TASL: variants seen among roughly 807,000 people sequenced by gnomAD.
TASL encodes TLR adapter interacting with SLC15A4 on the lysosome.
Under a neutral mutation model 12.9 loss-of-function variants are expected in TASL, and 6 were observed. The observed-to-expected ratio is 0.46, with a 90% CI of 0.25 to 0.92. TASL has a LOEUF of 0.92. Ranked by LOEUF, TASL falls within the 40% of genes least tolerant of loss-of-function variation. The pLI is 0.17. For missense variants in TASL, 165 were observed against 212.8 expected (o/e 0.78, Z 1.40); for synonymous variants, 85 against 79.3 (o/e 1.07, Z -0.38).
At chrX:30,562,894 T>C (rs1601836946) in intron 2 of TASL, among the ~76,000 whole-genome samples, 1 of 78,008 alleles carries the variant, frequency 1.3e-5, no homozygotes, top group African/African-American at 4.8e-5. Context: ...TAAAAAGGTA[T>C]AATACACACA....
intron 2 of TASL, among the ~76,000 whole-genome samples, chrX:30,570,955 T>G (rs1372859470): frequency 9.1e-6 from 1 of 109,833 alleles, no homozygotes; most frequent in Non-Finnish European, 1.9e-5. Context: ...CCGAGGTGGG[T>G]GGATCACCTG....
At position 30,575,842 on chromosome X, in the gene TASL, T is replaced by C. The variant is rs1471577108; in HGVS notation, c.-2+910A>G. ...TTTGGTGCAGAAATATTAGTAAATA[T>C]ATTTTATCATAGTTTGGATTTTTCT... is the stretch of plus-strand genomic sequence containing the variant. On this transcript the variant is annotated intron_variant, in intron 2 of 2. Transcript: ENST00000378962. Among the ~76,000 whole-genome samples the C allele has an allele frequency of 2.7e-5, 3 of 111,998 alleles. No individual in the cohort carries two copies. In the East Asian group the frequency reaches 8.3e-4, roughly 31 times the overall value.
In TASL at chrX:30,559,796, T is replaced by A. The variant is rs747522617; in HGVS notation, c.560A>T (p.Tyr187Phe). 6.6e-6 allele frequency: 8 copies of A among 1,208,822 alleles called. No individual in the cohort carries two copies. The Admixed American group carries it at 1.3e-4, about 20-fold the overall frequency. Residue 187 changes from tyrosine (Y) to phenylalanine (F), a missense_variant, in exon 3 of 3, where the codon TAT becomes TTT. Coordinates refer to ENST00000378962, the MANE Select transcript of TASL (RefSeq NM_025159.3). ...PQKPIQRYSS[Y>F]WRITSIKEKS... Reference sequence around the variant, plus strand: ...CTCTTTGATGCTTGTTATTCTCCAATAGGATGAGTACCGCTGGATAGGTTT... The same window carrying A: ...CTCTTTGATGCTTGTTATTCTCCAAAAGGATGAGTACCGCTGGATAGGTTT...
rs761879519 is a variant in TASL, at chrX:30,559,183, C to T, written c.*267G>A. ...CCTATGTTTCTTCAAATGAATTAAC[C>T]GTTTCTTTTTTGATCATTTTTATTT... On this transcript the variant is annotated 3_prime_UTR_variant, in exon 3 of 3. Coordinates refer to ENST00000378962, the MANE Select transcript of TASL (RefSeq NM_025159.3). 1.1e-3 allele frequency: 274 copies of T among 250,389 alleles called. No individual in the cohort carries two copies. Among genetic ancestry groups the T allele is most frequent in the African/African-American group, 7.2e-3 (253 of 35,285 alleles). The allele number at this position is 250,389 out of a possible 1,213,427, so 20.6% of individuals were successfully genotyped here. A position where few individuals can be genotyped will look rare whatever the true frequency, so the allele number is the denominator to read the frequency against.
intron 2 of TASL, among the ~76,000 whole-genome samples, chrX:30,565,100 A>T (rs1360533362): frequency 8.9e-6 from 1 of 111,948 alleles, no homozygotes; most frequent in Admixed American, 9.5e-5. Context: ...ACTTGGGGAA[A>T]CTGAACATGC....
intron 2 of TASL, among the ~76,000 whole-genome samples, chrX:30,574,653 A>T (rs899050624): frequency 1.8e-5 from 2 of 112,007 alleles, no homozygotes; most frequent in Non-Finnish European, 3.8e-5. Context: ...AGACAGGAAA[A>T]CATTTGTGAT....
chrX:30,562,892 T>A, intron 2 of TASL, among the ~76,000 whole-genome samples: 2 of 83,907 alleles, frequency 2.4e-5, no homozygotes, highest in Admixed American at 1.4e-4. Flanking sequence ...TTTAAAAAGG[T>A]ATAATACACA....
At chrX:30,560,922 G>A (rs140359896) in intron 2 of TASL, among the ~76,000 whole-genome samples, 1,420 of 111,150 alleles carry the variant, frequency 0.013, 11 homozygotes, top group Non-Finnish European at 0.019. Flanking sequence ...ATTCTGCCCC[G>A]TAGGAAATGA....
At chrX:30,565,896 G>A (rs948882016) in intron 2 of TASL, among the ~76,000 whole-genome samples, 1 of 109,550 alleles carries the variant, frequency 9.1e-6, no homozygotes, top group African/African-American at 3.3e-5. Flanking sequence ...TCAGCCTCCC[G>A]AGTAGCTGGG....
intron 2 of TASL, among the ~76,000 whole-genome samples, chrX:30,570,234 T>TCACA (rs1345226843): frequency 6.2e-5 from 4 of 64,174 alleles, no homozygotes; most frequent in African/African-American, 1.4e-4. Context: ...ATACTCTCTC[T>TCACA]CTCACACACA....
intron 2 of TASL, among the ~76,000 whole-genome samples, chrX:30,575,369 T>A (rs1268260904): frequency 9.0e-6 from 1 of 111,521 alleles, no homozygotes; most frequent in Non-Finnish European, 1.9e-5. Context: ...AAAAAGCTTC[T>A]TTAGGAAGGA....
chrX:30,563,773 A>G (rs1930461028), intron 2 of TASL, among the ~76,000 whole-genome samples: 1 of 112,025 alleles, frequency 8.9e-6, no homozygotes, highest in South Asian at 3.7e-4. Flanking sequence ...CCCCTTACTC[A>G]GCTCCAAGAA....
chrX:30,562,919 C>T (rs1427402550), intron 2 of TASL, among the ~76,000 whole-genome samples: 1 of 107,144 alleles, frequency 9.3e-6, no homozygotes, highest in African/African-American at 3.4e-5. Context: ...CACACACACA[C>T]ACACACACAC....
At chrX:30,575,016 A>G (rs979215771) in intron 2 of TASL, among the ~76,000 whole-genome samples, 1 of 111,474 alleles carries the variant, frequency 9.0e-6, no homozygotes, top group Non-Finnish European at 1.9e-5. Context: ...TAATTTTCCA[A>G]TCAAATGAGC....
rs183119083 is a variant in TASL at position 30,570,036 on chromosome X, A to G, written c.-2+6716T>C. On this transcript the variant is annotated intron_variant, in intron 2 of 2. Coordinates refer to ENST00000378962, the MANE Select transcript of TASL (RefSeq NM_025159.3). ...TGTCTAAAAAGAAAAAAAAAAATCT[A>G]TATTTGAAGGCAAAATTTAATTTCA... Among the ~76,000 whole-genome samples, 263 of 109,153 alleles carry G rather than the reference A, an allele frequency of 2.4e-3. 1 individual carries two copies. Among genetic ancestry groups the G allele is most frequent in the African/African-American group, 8.5e-3 (255 of 29,954 alleles). The allele number at this position is 109,153 out of a possible 115,157, so 94.8% of individuals were successfully genotyped here.
At chrX:30,563,120 C>T (rs745658803) in intron 2 of TASL, among the ~76,000 whole-genome samples, 2 of 111,672 alleles carry the variant, frequency 1.8e-5, no homozygotes, top group South Asian at 7.6e-4. Flanking sequence ...ATAATCCCCA[C>T]GTGTCGTGGG....
At position 30,560,277 on chromosome X, in the gene TASL, C is replaced by T. The variant is rs776478881; in HGVS notation, c.79G>A (p.Val27Met). 1 of 1,209,504 alleles carries T rather than the reference C, an allele frequency of 8.3e-7. No individual in the cohort carries two copies. Among genetic ancestry groups the T allele is most frequent in the Non-Finnish European group, 1.1e-6 (1 of 893,660 alleles). The change falls in exon 3 of 3, where the codon GTG (valine) becomes ATG (methionine). Residue 27 changes from valine to methionine, a missense_variant. Physicochemically the swap from Val to Met is conservative, Grantham distance 21. Coordinates refer to ENST00000378962, the MANE Select transcript of TASL (RefSeq NM_025159.3). ...GTCTCCTCTTCCTTTTCCCCAGCCA[C>T]CTGCTCATTATAAGAGGCACAACTC... The part of the protein sequence containing the change: ...HWSCASYNEQ[V>M]AGEKEEETNS...
chrX:30,570,191 T>C (rs1053810964), intron 2 of TASL, among the ~76,000 whole-genome samples: 5 of 108,909 alleles, frequency 4.6e-5, no homozygotes, highest in African/African-American at 6.7e-5. Flanking sequence ...GAATTGTATA[T>C]ATTTTATAAA....
rs1383731392 is a variant in TASL at position 30,560,196 on chromosome X, G to A, written c.160C>T (p.Leu54Phe). ...CCAGATGATTTGCAGCTCACGTAGA[G>A]ACTTCTGACTTGTGTTTCATCCACA... ...SSVDETQVRS[L>F]YVSCKSSGKF... Residue 54 changes from leucine to phenylalanine, a missense_variant, in exon 3 of 3, where the codon CTC (leucine) becomes TTC (phenylalanine). Physicochemically the swap from Leu to Phe is conservative, Grantham distance 22. Coordinates refer to ENST00000378962, the MANE Select transcript of TASL (RefSeq NM_025159.3). The A allele has an allele frequency of 8.3e-7, 1 of 1,211,230 alleles. No individual in the cohort carries two copies.
Sources: allele counts gnomAD v4.1 joint callset (sites outside exome capture counted in the v4.1 genomes callset), GRCh38; gene constraint gnomAD v4.1.1; transcripts MANE v1.5; gene names NCBI Gene and HGNC (gene_info 2026-07-23, HGNC 2026-07-21).